The following NXPE2 variants were observed in gnomAD, a reference collection of about 807,000 sequenced individuals.
NXPE2 encodes neurexophilin and PC-esterase domain family member 2, also known as NXPE family member 2.
A neutral mutation model predicts 34.4 loss-of-function variants in NXPE2; 34 were observed. The ratio of observed to expected loss-of-function variants is 0.99; its 90% confidence interval spans 0.75 to 1.31. The LOEUF is 1.31. Ranked by LOEUF, NXPE2 falls within the 40% of genes most tolerant of loss-of-function variation. The pLI is 0.00. For synonymous variants in NXPE2, 235 were observed against 231.3 expected, an observed-to-expected ratio of 1.02 and a Z score of -0.15; for missense variants, 649 against 672.5, an observed-to-expected ratio of 0.97 and a Z score of 0.39.
the NXPE2 span, among the ~76,000 whole-genome samples, chr11:114,546,706 G>A: frequency 0.6 from 90,986 of 151,878 alleles, 29,046 homozygotes; most frequent in African/African-American, 0.84. Flanking sequence ...CCATTCTCCA[G>A]TGAAAGGAAT....
the NXPE2 span, among the ~76,000 whole-genome samples, chr11:114,658,198 T>C: frequency 1.0e-3 from 157 of 152,340 alleles, no homozygotes; most frequent in African/African-American, 3.7e-3. Flanking sequence ...GCTTAAAATC[T>C]AATGAAAGGC....
chr11:114,572,039 CA>C, the NXPE2 span, among the ~76,000 whole-genome samples: 7 of 152,178 alleles, frequency 4.6e-5, no homozygotes, highest in African/African-American at 9.7e-5. Context: ...TGCTGGTATT[CA>C]AGGCTGCAAG....
the NXPE2 span, among the ~76,000 whole-genome samples, chr11:114,598,682 G>A: frequency 4.0e-5 from 6 of 151,690 alleles, no homozygotes; most frequent in African/African-American, 9.7e-5. Flanking sequence ...AGCCATGGCT[G>A]GAGCTGGAGC....
At chr11:114,772,970 A>G in the NXPE2 span, among the ~76,000 whole-genome samples, 1 of 152,064 alleles carries the variant, frequency 6.6e-6, no homozygotes, top group African/African-American at 2.4e-5. Flanking sequence ...GCATGAAAAT[A>G]TTCTTTTCAG....
the NXPE2 span, among the ~76,000 whole-genome samples, chr11:114,660,426 C>T: frequency 6.6e-6 from 1 of 151,916 alleles, no homozygotes. Context: ...CAAAGTGAGG[C>T]TTATCTTGGT....
At chr11:114,466,501 A>AT in the NXPE2 span, among the ~76,000 whole-genome samples, 2 of 149,378 alleles carry the variant, frequency 1.3e-5, no homozygotes, top group South Asian at 2.1e-4. Flanking sequence ...TGGCAATTGG[A>AT]TTTTTTTTCT....
the NXPE2 span, among the ~76,000 whole-genome samples, chr11:114,492,222 G>A: frequency 2.0e-5 from 3 of 151,800 alleles, no homozygotes; most frequent in Admixed American, 6.6e-5. Flanking sequence ...TGTATTTTTT[G>A]TTTGAATTTT....
At chr11:114,571,027 T>C in the NXPE2 span, 1 of 1,613,514 alleles carries the variant, frequency 6.2e-7, no homozygotes, top group Non-Finnish European at 8.5e-7. Context: ...GCAATTGTTA[T>C]ATCCCAGGCA....
chr11:114,729,017 C>T, the NXPE2 span, among the ~76,000 whole-genome samples: 5 of 151,828 alleles, frequency 3.3e-5, no homozygotes, highest in Non-Finnish European at 7.4e-5. Context: ...TATGATTTAT[C>T]CCATCACCCA....
At chr11:114,583,303 G>T in the NXPE2 span, 1 of 635,576 alleles carries the variant, frequency 1.6e-6, no homozygotes, top group Non-Finnish European at 2.9e-6. Context: ...ACTACGATAG[G>T]GGTGTTGGAA....
chr11:114,805,323 AGTGCCAGACAGTAG>A, the NXPE2 span, among the ~76,000 whole-genome samples: 1 of 151,894 alleles, frequency 6.6e-6, no homozygotes, highest in Non-Finnish European at 1.5e-5. Context: ...CTCACTGGGG[AGTGCCAGACAGTAG>A]GTGCAGGACA....
the NXPE2 span, among the ~76,000 whole-genome samples, chr11:114,525,681 G>A: frequency 6.6e-6 from 1 of 152,186 alleles, no homozygotes; most frequent in African/African-American, 2.4e-5. Context: ...CACCTGGCTT[G>A]AGTTGTAAAA....
At chr11:114,581,748 G>A in the NXPE2 span, 2 of 1,611,878 alleles carry the variant, frequency 1.2e-6, no homozygotes, top group Admixed American at 1.7e-5. Flanking sequence ...GACACTAATT[G>A]TATTGAATTT....
intron 3 of NXPE2, among the ~76,000 whole-genome samples, chr11:114,699,898 A>C (rs554006933): frequency 5.9e-5 from 9 of 151,880 alleles, no homozygotes; most frequent in Admixed American, 3.9e-4. Flanking sequence ...GGTACAAGCA[A>C]TTCTGCTGCC....
At chr11:114,612,679 C>G in the NXPE2 span, among the ~76,000 whole-genome samples, 1 of 151,824 alleles carries the variant, frequency 6.6e-6, no homozygotes, top group South Asian at 2.1e-4. Flanking sequence ...TACGTGTTGT[C>G]TCATGGGTAA....
At chr11:114,711,267 A>T (rs1383121532), downstream of NXPE2, among the ~76,000 whole-genome samples, 1 of 152,092 alleles carries the variant, frequency 6.6e-6, no homozygotes, top group Non-Finnish European at 1.5e-5. Flanking sequence ...AAACAAAAAA[A>T]TTTTGTTATA....
At chr11:114,678,326 C>T, upstream of NXPE2, 1 of 389,366 alleles carries the variant, frequency 2.6e-6, no homozygotes, top group Non-Finnish European at 4.7e-6. Flanking sequence ...AATTAGATGT[C>T]CAGTCTCTAA....
the NXPE2 span, among the ~76,000 whole-genome samples, chr11:114,805,205 T>TTTA: frequency 6.7e-6 from 1 of 149,030 alleles, no homozygotes; most frequent in Admixed American, 6.7e-5. Flanking sequence ...TTTTTTTTTT[T>TTTA]AAAAAAGGTA....
At chr11:114,594,087 A>T in the NXPE2 span, among the ~76,000 whole-genome samples, 2 of 152,112 alleles carry the variant, frequency 1.3e-5, no homozygotes, top group Non-Finnish European at 2.9e-5. Flanking sequence ...ATATGATTAG[A>T]CAGAATGAAT....
Sources: gnomAD v4.1 joint callset for allele counts (sites outside exome capture counted in the v4.1 genomes callset) on GRCh38, gnomAD v4.1.1 for gene constraint, MANE v1.5 for transcripts, NCBI Gene and HGNC (gene_info 2026-07-23, HGNC 2026-07-21) for gene names.